ETFA: variants seen among roughly 807,000 people sequenced by gnomAD.
The protein encoded by ETFA is electron transfer flavoprotein subunit alpha.
A neutral mutation model predicts 46.2 loss-of-function variants in ETFA; 22 were observed. The observed-to-expected ratio is 0.48, with a 90% confidence interval of 0.34 to 0.68. The LOEUF is 0.68. Among genes scored for constraint, ETFA ranks in the 30% least tolerant of loss-of-function variants. The probability of loss-of-function intolerance (pLI) is 0.01; values close to 1 mark genes in which losing one functional copy is unlikely to be tolerated. For synonymous variants in ETFA, 131 were observed against 139.9 expected (o/e 0.94, Z 0.45); for missense variants, 345 against 401.1 (o/e 0.86, Z 1.19).
intron 5 of ETFA, 182 bp downstream of exon 5, chr15:76,287,664 A>G (rs2039715776): frequency 1.8e-6 from 1 of 557,822 alleles, no homozygotes; most frequent in African/African-American, 1.9e-5. Context: ...TTTGCGATCC[A>G]TCAGAGAGAA....
intron 9 of ETFA, chr15:76,245,282 A>G (rs768220944): frequency 1.3e-5 from 2 of 152,224 alleles, no homozygotes; most frequent in Admixed American, 1.3e-4. Flanking sequence ...TTTCAGCTAA[A>G]TGCACTCACA....
At chr15:76,263,419 C>T (rs956463238) in intron 9 of ETFA, among the ~76,000 whole-genome samples, 19 of 152,260 alleles carry the variant, frequency 1.2e-4, no homozygotes, top group African/African-American at 3.1e-4. Flanking sequence ...CACCCAGGGA[C>T]GACTGAAAGA....
chr15:76,291,541 G>C (rs1262320426), intron 4 of ETFA, among the ~76,000 whole-genome samples: 2 of 151,276 alleles, frequency 1.3e-5, no homozygotes, highest in Non-Finnish European at 2.9e-5. Flanking sequence ...ACGAGGTCAG[G>C]AGATCAAGAC....
chr15:76,260,254 G>A, intron 9 of ETFA: 2 of 1,190,890 alleles, frequency 1.7e-6, no homozygotes. Flanking sequence ...GGCCTTTCTT[G>A]ATTGAAGGAC....
At chr15:76,224,708 G>A (rs1385543527) in intron 11 of ETFA, among the ~76,000 whole-genome samples, 1 of 152,136 alleles carries the variant, frequency 6.6e-6, no homozygotes, top group Non-Finnish European at 1.5e-5. Flanking sequence ...TCTACATGAG[G>A]GGTTCCTCAC....
intron 2 of ETFA, 141 bp downstream of exon 2, chr15:76,295,450 G>T: frequency 1.3e-6 from 1 of 759,442 alleles, no homozygotes; most frequent in Non-Finnish European, 2.4e-6. Flanking sequence ...TTCACACATG[G>T]TAATGGTTGT....
In ETFA at chr15:76,226,970, T is replaced by G. The variant is rs990186818; in HGVS notation, c.883-1041A>C. 2.2e-4 allele frequency among the ~76,000 whole-genome samples: 34 copies of G among 152,224 alleles called. 1 individual carries two copies. Among genetic ancestry groups the G allele is most frequent in the Admixed American group, 1.7e-3 (26 of 15,288 alleles). Reference sequence around the variant, plus strand: ...TAACAATATGAAAGCTAAAGTATCTTGTCAGCCTGTTAGTAAGGGACGTTA... The same window carrying G: ...TAACAATATGAAAGCTAAAGTATCTGGTCAGCCTGTTAGTAAGGGACGTTA... On this transcript the variant is annotated intron_variant, in intron 10 of 11. Coordinates refer to ENST00000557943, the MANE Select transcript of ETFA (RefSeq NM_000126.4).
intron 9 of ETFA, among the ~76,000 whole-genome samples, chr15:76,241,801 CAAA>C (rs1165964434): frequency 6.5e-5 from 2 of 30,566 alleles, no homozygotes; most frequent in Non-Finnish European, 5.1e-5. Context: ...GACTCCATCT[CAAA>C]AAAAAAAAAA....
chr15:76,288,103 C>A (rs761546574), intron 4 of ETFA, among the ~76,000 whole-genome samples, 158 bp from the exon 5 acceptor site: 1 of 152,142 alleles, frequency 6.6e-6, no homozygotes, highest in African/African-American at 2.4e-5. Flanking sequence ...TCAAGCACAG[C>A]TTTTTAAATA....
intron 1 of ETFA, among the ~76,000 whole-genome samples, chr15:76,303,174 G>A (rs1210526045): frequency 6.6e-6 from 1 of 152,082 alleles, no homozygotes; most frequent in East Asian, 1.9e-4. Flanking sequence ...TGGGCGTGGT[G>A]GCAGGAGTCT....
intron 9 of ETFA, among the ~76,000 whole-genome samples, chr15:76,262,474 CTTTTTTTTTT>C (rs60480510): frequency 3.5e-5 from 3 of 84,688 alleles, no homozygotes; most frequent in African/African-American, 8.6e-5. Context: ...ATCAAACCCC[CTTTTTTTTTT>C]TTTTTTTTTT....
In ETFA at chr15:76,268,189, CAA is replaced by C. The variant is rs57096514; in HGVS notation, c.816+6221_816+6222del. Among the ~76,000 whole-genome samples the C allele has an allele frequency of 2.8e-3, 304 of 106,936 alleles. 1 individual carries two copies. Among genetic ancestry groups the C allele is most frequent in the Middle Eastern group, 6.3e-3 (1 of 160 alleles). The allele number at this position is 106,936 out of a possible 152,430, so 70.2% of individuals were successfully genotyped here. On this transcript the variant is annotated intron_variant, in intron 9 of 11. Coordinates refer to ENST00000557943, the MANE Select transcript of ETFA (RefSeq NM_000126.4). ...GCAATGGCATGCCTCCCAGCTACAG[CAA>C]AAAAAAAAAAAAAAAGCCTTTGCTT...
chr15:76,308,976 GGTTTTGAGA>G (rs2039962559), intron 1 of ETFA, among the ~76,000 whole-genome samples: 1 of 152,098 alleles, frequency 6.6e-6, no homozygotes, highest in African/African-American at 2.4e-5. Context: ...CCAGGGGAAG[GGTTTTGAGA>G]TTTCTTTGTA....
chr15:76,280,805 C>A (rs1317648951), intron 8 of ETFA, among the ~76,000 whole-genome samples: 2 of 152,074 alleles, frequency 1.3e-5, no homozygotes, highest in African/African-American at 4.8e-5. Context: ...CAGATGTGTT[C>A]CTGCGTTAGA....
At position 76,295,120 on chromosome 15, in the gene ETFA, C is replaced by CA. The variant is rs565153321; in HGVS notation, c.186+470dup. On this transcript the variant is annotated intron_variant, in intron 2 of 11. Transcript: ENST00000557943. ...ATTTCAACAATAACAACAACAACAACAACAAACAAACCCAAGAACATCTTT... is the reference window on the plus strand; with the variant it reads ...ATTTCAACAATAACAACAACAACAACAAACAAACAAACCCAAGAACATCTTT... Among the ~76,000 whole-genome samples, 282 of 152,280 alleles carry CA rather than the reference C, an allele frequency of 1.9e-3. 1 individual carries two copies. Among genetic ancestry groups the CA allele is most frequent in the Non-Finnish European group, 2.5e-3 (173 of 68,012 alleles).
At chr15:76,254,220 C>G (rs1200658818) in intron 9 of ETFA, among the ~76,000 whole-genome samples, 1 of 152,172 alleles carries the variant, frequency 6.6e-6, no homozygotes, top group Non-Finnish European at 1.5e-5. Context: ...GCCAAACCAG[C>G]TGGAAAGTGA....
At chr15:76,283,861 ACAT>A in intron 7 of ETFA, 36 bp from the exon 8 acceptor site, 1 of 1,421,238 alleles carries the variant, frequency 7.0e-7, no homozygotes, top group Non-Finnish European at 9.9e-7. Context: ...AATTAGGCAA[ACAT>A]CAAATACATT....
chr15:76,296,482 G>C (rs528795527), intron 1 of ETFA, among the ~76,000 whole-genome samples: 1 of 152,274 alleles, frequency 6.6e-6, no homozygotes, highest in South Asian at 2.1e-4. Context: ...TAGGAGTACA[G>C]TATAATCACA....
At chr15:76,275,477 T>A (rs972478135) in intron 8 of ETFA, among the ~76,000 whole-genome samples, 1 of 152,186 alleles carries the variant, frequency 6.6e-6, no homozygotes, top group African/African-American at 2.4e-5. Context: ...TTACTTTATA[T>A]GTATATGTAT....
Sources: gnomAD v4.1 joint callset for allele counts (sites outside exome capture counted in the v4.1 genomes callset) on GRCh38, gnomAD v4.1.1 for gene constraint, MANE v1.5 for transcripts, NCBI Gene and HGNC (gene_info 2026-07-23, HGNC 2026-07-21) for gene names.